Variants in MGAM observed in about 807,000 individuals in gnomAD.
The protein encoded by MGAM is maltase-glucoamylase, also known as alpha-1,4-glucosidase.
MGAM carries 253 observed loss-of-function variants against 358.8 expected under a neutral mutation model. That is an observed-to-expected ratio of 0.71 (90% confidence interval 0.64 to 0.78). The LOEUF is 0.78. Ranked by LOEUF, MGAM falls within the 30% of genes least tolerant of loss-of-function variation. The pLI is 0.00. For missense variants in MGAM, 3,080 were observed against 3,432.6 expected, an observed-to-expected ratio of 0.90 and a Z score of 2.57; for synonymous variants, 1,105 against 1,227.1, an observed-to-expected ratio of 0.90 and a Z score of 2.08.
At chr7:142,061,112 A>T (rs1239897874) in intron 34 of MGAM, among the ~76,000 whole-genome samples, 1 of 152,202 alleles carries the variant, frequency 6.6e-6, no homozygotes, top group Non-Finnish European at 1.5e-5. Flanking sequence ...CAAGAGTTGA[A>T]TATGGACAGG....
intron 31 of MGAM, 61 bp downstream of exon 31, chr7:142,058,389 T>G (rs1222431726): frequency 6.2e-7 from 1 of 1,603,978 alleles, no homozygotes; most frequent in Non-Finnish European, 8.5e-7. Context: ...TGTGTCTGGG[T>G]TCATTTGTCT....
chr7:142,050,363 T>G, intron 23 of MGAM, 79 bp downstream of exon 23: 1 of 1,458,168 alleles, frequency 6.9e-7, no homozygotes, highest in Non-Finnish European at 9.6e-7. Flanking sequence ...GTATATTGTA[T>G]ATGTGTGATT....
At chr7:142,044,944 TG>T (rs1452463066) in intron 21 of MGAM, among the ~76,000 whole-genome samples, 2 of 101,480 alleles carry the variant, frequency 2.0e-5, no homozygotes, top group East Asian at 4.8e-4. Context: ...TGATATATAA[TG>T]TATATTATAT....
chr7:142,060,246 A>C, intron 33 of MGAM, 65 bp from the exon 34 acceptor site: 1 of 1,583,550 alleles, frequency 6.3e-7, no homozygotes, highest in Non-Finnish European at 8.7e-7. Flanking sequence ...ATAACAATTT[A>C]TTAGGAAATA....
At position 142,078,922 on chromosome 7, in the gene MGAM, G is replaced by A; in HGVS notation, c.5761G>A (p.Val1921Ile). 3 of 1,555,702 alleles carry A rather than the reference G, an allele frequency of 1.9e-6. No individual in the cohort carries two copies. The highest frequency in any genetic ancestry group is 2.6e-6 in the Non-Finnish European group (3 of 1,132,268). ...AGCTGACATCTCCTTAAAGTCTTCT[G>A]TTCATGCCAATGCCTTCCCTTCCAC... ...ATADISLKSS[V>I]HANAFPSTPV... is the part of the protein sequence containing the mutation. The change falls in exon 49 of 71, where the codon GTT (valine) becomes ATT (isoleucine). Residue 1921 changes from valine to isoleucine, a missense_variant. Physicochemically the swap from Val to Ile is conservative, Grantham distance 29. Transcript: ENST00000475668.
chr7:142,028,205 T>G (rs1254386360), intron 10 of MGAM, among the ~76,000 whole-genome samples: 1 of 152,190 alleles, frequency 6.6e-6, no homozygotes, highest in Non-Finnish European at 1.5e-5. Flanking sequence ...CCATAAAAGT[T>G]GTATCATATT....
chr7:142,095,608 C>T lies in MGAM; in HGVS notation c.7502C>T (p.Ser2501Phe). The change falls in exon 64 of 71, where the codon TCC becomes TTC. Residue 2501 changes from serine to phenylalanine, a missense_variant. Ser to Phe is a radical substitution (Grantham distance 155). Transcript: ENST00000475668. ...VSWDVAFVNI[S>F]RTVLQTRYTL... ...TGGGATGTTGCTTTTGTGAATATTTCCAGAACTGTCCTGCAGACCAGATAC... is the reference window on the plus strand; with the variant it reads ...TGGGATGTTGCTTTTGTGAATATTTTCAGAACTGTCCTGCAGACCAGATAC... 1 of 1,613,838 alleles carries T rather than the reference C, an allele frequency of 6.2e-7. No individual in the cohort carries two copies. Among genetic ancestry groups the T allele is most frequent in the Non-Finnish European group, 8.5e-7 (1 of 1,179,772 alleles).
intron 17 of MGAM, 36 bp from the exon 18 acceptor site, chr7:142,036,787 G>C: frequency 6.2e-7 from 1 of 1,603,204 alleles, no homozygotes; most frequent in African/African-American, 1.3e-5. Flanking sequence ...CTATCCTGCA[G>C]CCAAACCACA....
Position 142,050,883 on chromosome 7 carries a change from G to C in MGAM, c.2805+19G>C, listed in dbSNP as rs1427742392. On this transcript the variant is annotated intron_variant, in intron 24 of 70. Coordinates refer to ENST00000475668, the MANE Select transcript of MGAM (RefSeq NM_001365693.1). ...CCTGAAGGTAAAAACCCATTTTGTT[G>C]AGATGGTACATTGAGAATTCTCCAT... 6.2e-7 allele frequency: 1 copy of C among 1,613,348 alleles called. No homozygotes were observed. The highest frequency in any genetic ancestry group is 1.7e-5 in the Admixed American group (1 of 59,986).
At position 142,030,489 on chromosome 7, in the gene MGAM, T is replaced by G; in HGVS notation, c.1349T>G (p.Ile450Ser). 1.2e-6 allele frequency: 2 copies of G among 1,613,672 alleles called. No homozygotes were observed. Among genetic ancestry groups the G allele is most frequent in the African/African-American group, 2.7e-5 (2 of 75,030 alleles). Residue 450 changes from isoleucine (I) to serine (S), a missense_variant, in exon 11 of 71, where the codon ATT becomes AGT. By Grantham distance (142) the Ile-to-Ser change is moderately radical. Around this residue, in one of 5 missense-constraint regions of MGAM, gnomAD observed 1,816 missense variants for 1,840.5 expected, o/e 0.99. Coordinates refer to ENST00000475668, the MANE Select transcript of MGAM (RefSeq NM_001365693.1). ...AATAATGGACAGAAGCTTGTCATCATTGTGGTATGTACTGCCCTCTTTCCA... is the reference window on the plus strand; with the variant it reads ...AATAATGGACAGAAGCTTGTCATCAGTGTGGTATGTACTGCCCTCTTTCCA... ...LHNNGQKLVI[I>S]VDPAISNNSS... is the part of the protein sequence containing the mutation.
chr7:142,085,124 G>A lies in MGAM; in HGVS notation c.6507+480G>A, dbSNP rs888551123. ...GAGCTAATCACTGATGGAATACACG[G>A]ATCCTGGAATGGGTTCCAGAGGATG... is the stretch of plus-strand genomic sequence containing the variant. On this transcript the variant is annotated intron_variant, in intron 54 of 70. Coordinates refer to ENST00000475668, the MANE Select transcript of MGAM (RefSeq NM_001365693.1). Among the ~76,000 whole-genome samples, 14 of 146,672 alleles carry A rather than the reference G, an allele frequency of 9.5e-5. 2 individuals are homozygous for A. The highest frequency in any genetic ancestry group is 6.8e-4 in the Admixed American group (10 of 14,620).
rs1813021476 is a variant in MGAM at position 142,068,268 on chromosome 7, A to G, written c.5005-379A>G. On this transcript the variant is annotated intron_variant, in intron 42 of 70. Transcript: ENST00000475668. Reference sequence around the variant, plus strand: ...TGACTTGGACTCCCAAAGAGCTGGGATTACAGGCATGAGCCATCGCGCCCG... The same window carrying G: ...TGACTTGGACTCCCAAAGAGCTGGGGTTACAGGCATGAGCCATCGCGCCCG... 1.4e-5 allele frequency among the ~76,000 whole-genome samples: 2 copies of G among 141,390 alleles called. 1 individual carries two copies. Among genetic ancestry groups the G allele is most frequent in the South Asian group, 4.5e-4 (2 of 4,396 alleles). 92.8% of individuals were successfully genotyped at this position (141,390 alleles called of 152,430 possible). A position where few individuals can be genotyped will look rare whatever the true frequency, so the allele number is the denominator to read the frequency against.
chr7:142,000,379 A>G (rs1450299303), intron 1 of MGAM, among the ~76,000 whole-genome samples: 4 of 152,126 alleles, frequency 2.6e-5, no homozygotes, highest in African/African-American at 7.2e-5. Flanking sequence ...TTATGATGGC[A>G]TGGTAACTGG....
intron 42 of MGAM, 143 bp downstream of exon 42, chr7:142,067,568 A>T (rs1408127301): frequency 3.4e-6 from 2 of 583,436 alleles, no homozygotes; most frequent in Admixed American, 2.9e-5. Context: ...TTCTGAGCTG[A>T]AGTCCATCAC....
intron 21 of MGAM, among the ~76,000 whole-genome samples, chr7:142,045,208 A>ACATATATATATATAATATATATTATAT (rs1210620586): frequency 2.4e-4 from 3 of 12,450 alleles, no homozygotes; most frequent in Admixed American, 9.4e-4. Context: ...TATATTATAT[A>ACATATATATATATAATATATATTATAT]ACATATATGT....
intron 27 of MGAM, 61 bp from the exon 28 acceptor site, chr7:142,055,497 C>G (rs1236117038): frequency 8.1e-6 from 13 of 1,604,062 alleles, no homozygotes; most frequent in East Asian, 4.5e-5. Context: ...TGAAAAGTCA[C>G]CTGCTGGAAA....
rs1813726250 is a variant in MGAM at position 142,076,289 on chromosome 7, T to C, written c.5325+37T>C. Reference sequence around the variant, plus strand: ...ATTTTTATGAATCTTAGGTGTGGGCTTTGGACTGACCATTAGCACATCTGT... The same window carrying C: ...ATTTTTATGAATCTTAGGTGTGGGCCTTGGACTGACCATTAGCACATCTGT... On this transcript the variant is annotated intron_variant, in intron 46 of 70. Transcript: ENST00000475668. 11 of 1,461,314 alleles carry C rather than the reference T, an allele frequency of 7.5e-6. 2 individuals carry two copies. The highest frequency in any genetic ancestry group is 1.0e-5 in the Non-Finnish European group (11 of 1,050,890). 90.5% of individuals were successfully genotyped at this position (1,461,314 alleles called of 1,614,324 possible). A position where few individuals can be genotyped will look rare whatever the true frequency, so the allele number is the denominator to read the frequency against.
chr7:142,098,685 G>A (rs146907883), intron 66 of MGAM, among the ~76,000 whole-genome samples: 3,378 of 152,184 alleles, frequency 0.022, 132 homozygotes, highest in African/African-American at 0.076. Context: ...CCAGCCAGGC[G>A]TTTCCCAGGA....
chr7:142,073,895 G>A (rs377744704), intron 44 of MGAM, among the ~76,000 whole-genome samples, 190 bp from the exon 45 acceptor site: 4 of 146,334 alleles, frequency 2.7e-5, no homozygotes, highest in African/African-American at 9.7e-5. Flanking sequence ...TGTTTGGGGT[G>A]TTTCTATCTC....
Sources: gnomAD v4.1 joint callset for allele counts (sites outside exome capture counted in the v4.1 genomes callset) on GRCh38, gnomAD v4.1.1 for gene constraint, gnomAD v4.1.1 regional missense constraint, MANE v1.5 for transcripts, NCBI Gene and HGNC (gene_info 2026-07-23, HGNC 2026-07-21) for gene names.